Variants in PIK3C2G observed in about 807,000 individuals in gnomAD.
The protein encoded by PIK3C2G is phosphatidylinositol-4-phosphate 3-kinase catalytic subunit type 2 gamma.
A neutral mutation model predicts 181.1 loss-of-function variants in PIK3C2G; 168 were observed. The observed-to-expected ratio is 0.93, with a 90% CI of 0.82 to 1.05. The LOEUF is 1.05. Among genes scored for constraint, PIK3C2G ranks in the 50% least tolerant of loss-of-function variants. The pLI, the probability that PIK3C2G is intolerant of heterozygous loss-of-function variation, is 0.00. For synonymous variants in PIK3C2G, 573 were observed against 592.2 expected (o/e 0.97, Z 0.47); for missense variants, 1,869 against 1,732.8 (o/e 1.08, Z -1.40).
At chr12:18,453,914 G>A (rs1947495898) in intron 18 of PIK3C2G, among the ~76,000 whole-genome samples, 1 of 152,122 alleles carries the variant, frequency 6.6e-6, no homozygotes, top group Non-Finnish European at 1.5e-5. Context: ...GTTAGGAAGA[G>A]CCAAAAGTTG....
intron 31 of PIK3C2G, among the ~76,000 whole-genome samples, chr12:18,628,443 G>A (rs752601445): frequency 3.3e-5 from 5 of 151,992 alleles, no homozygotes; most frequent in Non-Finnish European, 5.9e-5. Context: ...TAATTTGTTG[G>A]TGATAAGAAC....
chr12:18,368,711 C>T (rs1464712806), intron 12 of PIK3C2G, among the ~76,000 whole-genome samples: 1 of 152,180 alleles, frequency 6.6e-6, no homozygotes, highest in Non-Finnish European at 1.5e-5. Flanking sequence ...GCTCTTCTAT[C>T]TTTCATCCTG....
intron 31 of PIK3C2G, among the ~76,000 whole-genome samples, chr12:18,634,796 C>A (rs1218966025): frequency 1.3e-5 from 2 of 152,146 alleles, no homozygotes; most frequent in African/African-American, 4.8e-5. Flanking sequence ...CTCATCTTAT[C>A]CACTTCATTA....
At chr12:18,380,496 C>T (rs1942765747) in intron 13 of PIK3C2G, among the ~76,000 whole-genome samples, 1 of 152,176 alleles carries the variant, frequency 6.6e-6, no homozygotes, top group African/African-American at 2.4e-5. Context: ...CTCCTATGCT[C>T]TGACAGGCAA....
chr12:18,555,595 G>A (rs1592570536), intron 26 of PIK3C2G, among the ~76,000 whole-genome samples: 1 of 152,140 alleles, frequency 6.6e-6, no homozygotes, highest in East Asian at 1.9e-4. Flanking sequence ...TTTTAAGATA[G>A]GACCTAAGGC....
At chr12:18,413,188 T>A (rs1276909617) in intron 16 of PIK3C2G, among the ~76,000 whole-genome samples, 10 of 152,152 alleles carry the variant, frequency 6.6e-5, no homozygotes, top group Admixed American at 5.2e-4. Flanking sequence ...TGTACAGAGT[T>A]ATATTTATCT....
chr12:18,600,325 A>G (rs542558280), intron 30 of PIK3C2G, among the ~76,000 whole-genome samples: 178 of 152,162 alleles, frequency 1.2e-3, no homozygotes, highest in African/African-American at 3.8e-3. Context: ...GTTGGATCAA[A>G]TGGATTACAG....
At chr12:18,409,391 C>T (rs1201678522) in intron 16 of PIK3C2G, among the ~76,000 whole-genome samples, 1 of 151,904 alleles carries the variant, frequency 6.6e-6, no homozygotes, top group African/African-American at 2.4e-5. Flanking sequence ...ACACCAGGAC[C>T]TGTTGGGGAG....
At chr12:18,256,877 T>A (rs945932734), upstream of PIK3C2G, among the ~76,000 whole-genome samples, 29 of 151,994 alleles carry the variant, frequency 1.9e-4, no homozygotes, top group African/African-American at 5.8e-4. Context: ...TTAGATGTCA[T>A]TAAAACATAG....
chr12:18,377,946 T>C (rs1233711591), intron 13 of PIK3C2G, among the ~76,000 whole-genome samples: 1 of 152,150 alleles, frequency 6.6e-6, no homozygotes, highest in Non-Finnish European at 1.5e-5. Context: ...AACCTCCACC[T>C]CTCGGGTTTA....
intron 12 of PIK3C2G, among the ~76,000 whole-genome samples, chr12:18,368,610 A>G (rs539359195): frequency 6.6e-6 from 1 of 152,358 alleles, no homozygotes; most frequent in East Asian, 1.9e-4. Context: ...GTCGTAATCT[A>G]GAAACTAGAA....
intron 11 of PIK3C2G, among the ~76,000 whole-genome samples, chr12:18,353,025 G>A (rs1940376145): frequency 6.6e-6 from 1 of 152,172 alleles, no homozygotes; most frequent in Admixed American, 6.5e-5. Context: ...AAACAGGAAT[G>A]CATGTTCTCA....
At chr12:18,398,704 T>C (rs1219172349) in intron 15 of PIK3C2G, among the ~76,000 whole-genome samples, 2 of 152,180 alleles carry the variant, frequency 1.3e-5, no homozygotes, top group Non-Finnish European at 2.9e-5. Flanking sequence ...TATTTCAGAC[T>C]ACTCTCCAGG....
chr12:18,519,807 A>C (rs910399735), intron 24 of PIK3C2G, among the ~76,000 whole-genome samples: 2 of 151,962 alleles, frequency 1.3e-5, no homozygotes, highest in Admixed American at 1.3e-4. Flanking sequence ...GTTTCTTCAC[A>C]GTGTCATTAG....
At chr12:18,590,196 A>G (rs190222690) in intron 29 of PIK3C2G, among the ~76,000 whole-genome samples, 1 of 151,578 alleles carries the variant, frequency 6.6e-6, no homozygotes, top group East Asian at 1.9e-4. Flanking sequence ...ATAATGTGAG[A>G]ATCTTCTAGG....
In PIK3C2G at chr12:18,436,827, C is replaced by T. The variant is rs140932175; in HGVS notation, c.2504+12788C>T. 3.9e-5 allele frequency among the ~76,000 whole-genome samples: 6 copies of T among 152,074 alleles called. No homozygotes were observed. In the East Asian group the frequency reaches 1.2e-3, roughly 29 times the overall value. On this transcript the variant is annotated intron_variant, in intron 18 of 32. Coordinates refer to ENST00000538779, the MANE Select transcript of PIK3C2G (RefSeq NM_001288772.2). The stretch of plus-strand genomic sequence containing the variant: ...TGAATAAGGGTTTTTGAAACAGTAT[C>T]AAGTGTTACATTGATCCCGTTCATA...
chr12:18,296,632 C>A (rs1043369632), intron 5 of PIK3C2G, among the ~76,000 whole-genome samples: 1 of 152,066 alleles, frequency 6.6e-6, no homozygotes, highest in African/African-American at 2.4e-5. Flanking sequence ...ATCAACTATA[C>A]TATTTTTGCA....
chr12:18,681,283 G>T, the PIK3C2G span, among the ~76,000 whole-genome samples: 13 of 151,992 alleles, frequency 8.6e-5, no homozygotes, highest in African/African-American at 3.1e-4. Context: ...GCAGAACACG[G>T]ATGGCTTCCC....
intron 14 of PIK3C2G, among the ~76,000 whole-genome samples, chr12:18,386,979 C>T (rs1301819125): frequency 6.6e-6 from 1 of 152,066 alleles, no homozygotes; most frequent in Admixed American, 6.6e-5. Context: ...TGCTGAAACC[C>T]CCACCTGGAT....
Sources: gnomAD v4.1 joint callset for allele counts (sites outside exome capture counted in the v4.1 genomes callset) on GRCh38, gnomAD v4.1.1 for gene constraint, MANE v1.5 for transcripts, NCBI Gene and HGNC (gene_info 2026-07-23, HGNC 2026-07-21) for gene names.